The following COL9A3 variants were observed in gnomAD, a reference collection of about 807,000 sequenced individuals.
COL9A3 encodes collagen type IX alpha 3 chain.
A neutral mutation model predicts 110.2 loss-of-function variants in COL9A3; 82 were observed. The observed-to-expected ratio is 0.74, with a 90% CI of 0.62 to 0.89. The LOEUF (loss-of-function observed/expected upper bound fraction) is 0.89. COL9A3 is among the 40% of genes least tolerant of loss of function. COL9A3 has a pLI of 0.00. For synonymous variants in COL9A3, 494 were observed against 403.8 expected (o/e 1.22, Z -2.68); for missense variants, 1,066 against 981.3 (o/e 1.09, Z -1.15).
chr20:62,829,729 A>G (rs2063581151), intron 21 of COL9A3, 37 bp from the exon 22 acceptor site: 2 of 1,597,002 alleles, frequency 1.3e-6, no homozygotes, highest in African/African-American at 1.3e-5. Flanking sequence ...GCCTGTGTGC[A>G]GACCCTGCCC....
At chr20:62,831,880 G>C in intron 24 of COL9A3, 3 of 541,252 alleles carry the variant, frequency 5.5e-6, no homozygotes, top group Non-Finnish European at 1.0e-5. Flanking sequence ...CAATTGTGCA[G>C]AAACACCCGC....
chr20:62,829,807 C>T lies in COL9A3; in HGVS notation c.1149C>T (p.His383=), dbSNP rs780769438. The T allele has an allele frequency of 4.4e-6, 7 of 1,575,820 alleles. No individual in the cohort carries two copies. The South Asian group carries it at 8.1e-5, about 18-fold the overall frequency. Residue 383 remains histidine, a synonymous_variant, in exon 22 of 32, where the codon CAC becomes CAT. Coordinates refer to ENST00000649368, the MANE Select transcript of COL9A3 (RefSeq NM_001853.4). The stretch of plus-strand genomic sequence containing the variant: ...CTGGGGAGCGCGGTGAGGCTGGCCA[C>T]CGGGGCTCAGCGGTGAGTGCAGGGA... The part of the protein sequence containing the change: ...GMPGERGEAG[H]RGSAGALGPQ...
intron 9 of COL9A3, 109 bp downstream of exon 9, chr20:62,822,273 AC>A: frequency 1.3e-6 from 1 of 788,266 alleles, no homozygotes; most frequent in Non-Finnish European, 2.3e-6. Context: ...AGATCTCCTA[AC>A]CCTAACTTGG....
Position 62,828,873 on chromosome 20 carries a change from C to T in COL9A3, c.955-50C>T, listed in dbSNP as rs372883545. The T allele has an allele frequency of 2.8e-5, 45 of 1,612,248 alleles. No homozygotes were observed. In the African/African-American group the frequency reaches 4.5e-4, roughly 16 times the overall value. ...GGAGGGGGCTGGAGGGGAGTTCGGCCTCCCGAGGCCTCAGCCTCCCCTTCC... is the reference window on the plus strand; with the variant it reads ...GGAGGGGGCTGGAGGGGAGTTCGGCTTCCCGAGGCCTCAGCCTCCCCTTCC... On this transcript the variant is annotated intron_variant, in intron 18 of 31. Coordinates refer to ENST00000649368, the MANE Select transcript of COL9A3 (RefSeq NM_001853.4).
At chr20:62,828,679 G>A (rs1404076420) in intron 17 of COL9A3, 85 bp from the exon 18 acceptor site, 9 of 1,468,266 alleles carry the variant, frequency 6.1e-6, no homozygotes, top group African/African-American at 2.8e-5. Context: ...AGGTTGATGG[G>A]GAAGGAGGCT....
At position 62,819,251 on chromosome 20, in the gene COL9A3, G is replaced by T. The variant is rs1339163684; in HGVS notation, c.213G>T (p.Gly71=). 3 of 1,612,630 alleles carry T rather than the reference G, an allele frequency of 1.9e-6. No homozygotes were observed. The African/African-American group carries it at 4.0e-5, about 22-fold the overall frequency. The stretch of plus-strand genomic sequence containing the variant: ...CAAAGGGGGCCCCAGGAAAGCCGGG[G>T]AAACCAGGAGAGGCTGGGCTGCCGG... ...PGPKGAPGKP[G]KPGEAGLPGL... The change falls in exon 4 of 32, where the codon GGG becomes GGT. Residue 71 remains glycine, a synonymous_variant. Transcript: ENST00000649368.
rs1483663008 is a variant in COL9A3, at chr20:62,819,939, G to A, written c.266G>A (p.Gly89Glu). The part of the protein sequence containing the change: ...PGLPGVDGLT[G>E]RDGPPGPKGA... ...TCTGCCTCTCCCCAGGGTCTGACTG[G>A]ACGAGATGGACCCCCTGGACCCAAG... The change falls in exon 5 of 32, where the codon GGA becomes GAA. Residue 89 changes from glycine to glutamate, a missense_variant. Gly to Glu is a moderately conservative substitution (Grantham distance 98, BLOSUM62 -2). Transcript: ENST00000649368. 6.2e-7 allele frequency: 1 copy of A among 1,612,824 alleles called. No homozygotes were observed. Among genetic ancestry groups the A allele is most frequent in the Admixed American group, 1.7e-5 (1 of 60,010 alleles).
Position 62,829,754 on chromosome 20 carries a change from C to G in COL9A3, c.1108-12C>G, listed in dbSNP as rs1327656446. ...AGACCCTGCCCTGACACCCTCCTTC[C>G]TTTCCCTGTAGGGAGATGCTGGCAT... On this transcript the variant is annotated splice_polypyrimidine_tract_variant and intron_variant, in intron 21 of 31. Transcript: ENST00000649368. 1.3e-6 allele frequency: 2 copies of G among 1,591,668 alleles called. No homozygotes were observed. The highest frequency in any genetic ancestry group is 1.8e-5 in the Admixed American group (1 of 56,470).
Position 62,827,973 on chromosome 20 carries a change from G to A in COL9A3, c.897G>A (p.Glu299=). The A allele has an allele frequency of 6.2e-7, 1 of 1,612,896 alleles. No homozygotes were observed. The highest frequency in any genetic ancestry group is 8.5e-7 in the Non-Finnish European group (1 of 1,179,984). ...CCGGAGTGGCCGGGCCAAGCGGAGA[G>A]CCGGTGAGTGCACGTGGCTGCTCAT... ...GTPGVAGPSG[E]PGMPGKDGQN... Residue 299 remains glutamate, a synonymous_variant, in exon 17 of 32, where the codon GAG becomes GAA. Coordinates refer to ENST00000649368, the MANE Select transcript of COL9A3 (RefSeq NM_001853.4).
intron 15 of COL9A3, 87 bp downstream of exon 15, chr20:62,826,907 TG>T: frequency 4.1e-6 from 6 of 1,456,110 alleles, no homozygotes; most frequent in Non-Finnish European, 5.6e-6. Context: ...CCAGCCCCAC[TG>T]GGGCCCCTCT....
In COL9A3 at chr20:62,837,170, C is replaced by T. The variant is rs2063643349; in HGVS notation, c.1691C>T (p.Pro564Leu). The change falls in exon 30 of 32, where the codon CCC becomes CTC. Residue 564 changes from proline (P) to leucine (L), a missense_variant. Physicochemically the swap from Pro to Leu is moderately conservative, Grantham distance 98. Transcript: ENST00000649368. The stretch of plus-strand genomic sequence containing the variant: ...CCCGGTCCAGCTGGCCCCCCTGGGC[C>T]CCCAGGACCCCCAGGCTCCATTGGT... ...GRPGPAGPPG[P>L]PGPPGSIGHP... 3 of 1,612,338 alleles carry T rather than the reference C, an allele frequency of 1.9e-6. No individual in the cohort carries two copies. Among genetic ancestry groups the T allele is most frequent in the South Asian group, 1.1e-5 (1 of 91,012 alleles).
In COL9A3 at chr20:62,840,592, G is replaced by C; in HGVS notation, c.1915G>C (p.Gly639Arg). ...TSKDGQDGAPGEPGPPGDPGL... is the reference protein window; with the variant it reads ...TSKDGQDGAPREPGPPGDPGL... ...CAAGGACGGCCAGGACGGTGCTCCC[G>C]GCGAGCCTGGGCCTCCCGGAGATCC... Residue 639 changes from glycine to arginine, a missense_variant, in exon 32 of 32, where the codon GGC (glycine) becomes CGC (arginine). Physicochemically the swap from Gly to Arg is moderately radical, Grantham distance 125 (BLOSUM62 -2). Transcript: ENST00000649368. The C allele has an allele frequency of 6.2e-7, 1 of 1,612,904 alleles. No homozygotes were observed. The highest frequency in any genetic ancestry group is 8.5e-7 in the Non-Finnish European group (1 of 1,179,904).
chr20:62,817,579 C>T lies in COL9A3; in HGVS notation c.91C>T (p.Pro31Ser), dbSNP rs1056228479. 5.8e-6 allele frequency: 9 copies of T among 1,538,950 alleles called. No individual in the cohort carries two copies. Among genetic ancestry groups the T allele is most frequent in the Non-Finnish European group, 7.9e-6 (9 of 1,139,852 alleles). The change falls in exon 2 of 32, where the codon CCC becomes TCC. Residue 31 changes from proline to serine, a missense_variant. Physicochemically the swap from Pro to Ser is moderately conservative, Grantham distance 74 (BLOSUM62 -1). Transcript: ENST00000649368. ...AAAGAQRVGL[P>S]GPPGPPGPPG... ...TTCTCCGTTTCAGAGAGTGGGACTC[C>T]CCGGCCCCCCCGGCCCCCCAGGGCC...
chr20:62,817,071 G>A lies in COL9A3; in HGVS notation c.7G>A (p.Gly3Arg), dbSNP rs780941765. The A allele has an allele frequency of 5.8e-6, 8 of 1,378,674 alleles. No individual in the cohort carries two copies. The South Asian group carries it at 7.3e-5, about 13-fold the overall frequency. The allele number at this position is 1,378,674 out of a possible 1,614,324, so 85.4% of individuals were successfully genotyped here. ...GCTCAGACTCCGCTCAGCCATGGCC[G>A]GGCCGCGCGCGTGCGCCCCGCTCCT... The part of the protein sequence containing the change: MA[G>R]PRACAPLLLL... The change falls in exon 1 of 32, where the codon GGG becomes AGG. Residue 3 changes from glycine (G) to arginine (R), a missense_variant. Physicochemically the swap from Gly to Arg is moderately radical, Grantham distance 125. Coordinates refer to ENST00000649368, the MANE Select transcript of COL9A3 (RefSeq NM_001853.4).
chr20:62,836,453 G>A, intron 28 of COL9A3, 25 bp from the exon 29 acceptor site: 1 of 1,613,680 alleles, frequency 6.2e-7, no homozygotes, highest in Non-Finnish European at 8.5e-7. Context: ...CCCCCATGCT[G>A]ACGAATGTGT....
chr20:62,832,609 T>C lies in COL9A3; in HGVS notation c.1324-411T>C, dbSNP rs374514529. On this transcript the variant is annotated intron_variant, in intron 25 of 31. Coordinates refer to ENST00000649368, the MANE Select transcript of COL9A3 (RefSeq NM_001853.4). ...GTGTGTTTTGCAGGCAGATTCGAAA[T>C]GCATTTCTGCTGTTCGAAGCACTCT... Among the ~76,000 whole-genome samples, 7 of 152,360 alleles carry C rather than the reference T, an allele frequency of 4.6e-5. No homozygotes were observed. In the East Asian group the frequency reaches 1.2e-3, roughly 25 times the overall value.
intron 10 of COL9A3, among the ~76,000 whole-genome samples, chr20:62,822,915 A>G (rs1383399568): frequency 6.6e-6 from 1 of 152,114 alleles, no homozygotes; most frequent in Non-Finnish European, 1.5e-5. Context: ...AATCACAATC[A>G]TGTCACAGAG....
chr20:62,836,460 G>A lies in COL9A3; in HGVS notation c.1549-18G>A, dbSNP rs746183735. On this transcript the variant is annotated intron_variant, in intron 28 of 31. Transcript: ENST00000649368. ...GGCTGCCGCCCCCATGCTGACGAATGTGTGGGGTGAATTCCAGGGGAAGGA... is the reference window on the plus strand; with the variant it reads ...GGCTGCCGCCCCCATGCTGACGAATATGTGGGGTGAATTCCAGGGGAAGGA... The A allele has an allele frequency of 8.7e-6, 14 of 1,613,598 alleles. 1 individual carries two copies. The Admixed American group carries it at 2.3e-4, about 27-fold the overall frequency.
rs1991064282 is a variant in COL9A3 at position 62,819,948 on chromosome 20, G to C, written c.275G>C (p.Gly92Ala). The change falls in exon 5 of 32, where the codon GGA (glycine) becomes GCA (alanine). Residue 92 changes from glycine to alanine, a missense_variant. Gly to Ala is a moderately conservative substitution (Grantham distance 60, BLOSUM62 0). Transcript: ENST00000649368. ...CCCCAGGGTCTGACTGGACGAGATG[G>C]ACCCCCTGGACCCAAGGGTGCCCCT... is the stretch of plus-strand genomic sequence containing the variant. ...PGVDGLTGRDGPPGPKGAPGE... is the reference protein window; with the variant it reads ...PGVDGLTGRDAPPGPKGAPGE... 1.9e-6 allele frequency: 3 copies of C among 1,612,762 alleles called. No individual in the cohort carries two copies. The South Asian group carries it at 3.3e-5, about 18-fold the overall frequency.
Sources: allele counts gnomAD v4.1 joint callset (sites outside exome capture counted in the v4.1 genomes callset), GRCh38; gene constraint gnomAD v4.1.1; transcripts MANE v1.5; gene names NCBI Gene and HGNC (gene_info 2026-07-23, HGNC 2026-07-21).